Variants in DYNC1I2 observed in about 807,000 individuals in gnomAD.
DYNC1I2 encodes the protein dynein cytoplasmic 1 intermediate chain 2.
In DYNC1I2, 53 loss-of-function variants were observed where a neutral mutation model predicts 88.6. That is an observed-to-expected ratio of 0.60 (90% confidence interval 0.48 to 0.75). The LOEUF is 0.75. Ranked by LOEUF, DYNC1I2 falls within the 30% of genes least tolerant of loss-of-function variation. The pLI is 0.00. For synonymous variants in DYNC1I2, 198 were observed against 254.6 expected (o/e 0.78, Z 2.12); for missense variants, 458 against 766.6 (o/e 0.60, Z 4.75).
At chr2:171,716,468 G>T (rs1218856920) in intron 7 of DYNC1I2, among the ~76,000 whole-genome samples, 1 of 152,062 alleles carries the variant, frequency 6.6e-6, no homozygotes, top group Admixed American at 6.6e-5. Flanking sequence ...AAATTACCAT[G>T]TTTCTCCATT....
At position 171,744,127 on chromosome 2, in the gene DYNC1I2, C is replaced by G; in HGVS notation, c.1615C>G (p.Leu539Val). Residue 539 changes from leucine (L) to valine (V), a missense_variant, in exon 16 of 18, where the codon CTG becomes GTG. Leu to Val is a conservative substitution (Grantham distance 32). This residue lies in a region of DYNC1I2 where 188 missense variants were observed against 300.4 expected (regional missense o/e 0.63). Transcript: ENST00000397119. The part of the protein sequence containing the change: ...DVMWSPTHPA[L>V]FACVDGMGRL... Reference sequence around the variant, plus strand: ...TATGTGGTCACCTACCCACCCAGCCCTGTTTGCCTGTGTGGATGGCATGGG... The same window carrying G: ...TATGTGGTCACCTACCCACCCAGCCGTGTTTGCCTGTGTGGATGGCATGGG... 1 of 1,613,360 alleles carries G rather than the reference C, an allele frequency of 6.2e-7. No homozygotes were observed.
Position 171,735,472 on chromosome 2 carries a change from A to G in DYNC1I2, c.1536+5619A>G, listed in dbSNP as rs1007188856. Among the ~76,000 whole-genome samples, 8 of 152,374 alleles carry G rather than the reference A, an allele frequency of 5.3e-5. No homozygotes were observed. In the South Asian group the frequency reaches 1.2e-3, roughly 24 times the overall value. ...CATTTCATATTAGGAACGCTCAACC[A>G]TAAGTATAATGCAGGTATTCAAAAA... On this transcript the variant is annotated intron_variant, in intron 15 of 17. Coordinates refer to ENST00000397119, the MANE Select transcript of DYNC1I2 (RefSeq NM_001378.3).
chr2:171,732,680 A>G (rs896865945), intron 15 of DYNC1I2, among the ~76,000 whole-genome samples: 5 of 152,238 alleles, frequency 3.3e-5, no homozygotes, highest in Admixed American at 3.3e-4. Context: ...CTATAAAACC[A>G]AAGCAAGATG....
At chr2:171,733,289 A>G (rs1032598137) in intron 15 of DYNC1I2, among the ~76,000 whole-genome samples, 18 of 152,040 alleles carry the variant, frequency 1.2e-4, no homozygotes, top group African/African-American at 3.9e-4. Context: ...GTGTCTTTAT[A>G]ATAGAGTGAT....
intron 2 of DYNC1I2, among the ~76,000 whole-genome samples, chr2:171,691,984 A>T (rs1685433596): frequency 6.6e-6 from 1 of 152,170 alleles, no homozygotes; most frequent in Non-Finnish European, 1.5e-5. Flanking sequence ...AATTTTTCTG[A>T]TGACTTTTAA....
At chr2:171,712,722 T>C (rs761198037) in intron 5 of DYNC1I2, 45 bp from the exon 6 acceptor site, 19 of 1,429,960 alleles carry the variant, frequency 1.3e-5, no homozygotes, top group African/African-American at 4.2e-5. Flanking sequence ...GACTAACTTA[T>C]GGCCTTTTTT....
intron 7 of DYNC1I2, among the ~76,000 whole-genome samples, chr2:171,722,986 G>A (rs1205287728): frequency 1.3e-5 from 2 of 152,124 alleles, no homozygotes; most frequent in African/African-American, 4.8e-5. Flanking sequence ...TAATTTATAT[G>A]GACAAATAGG....
chr2:171,726,439 T>C (rs1418525858), intron 10 of DYNC1I2, 146 bp downstream of exon 10: 16 of 621,720 alleles, frequency 2.6e-5, no homozygotes, highest in Non-Finnish European at 4.3e-5. Flanking sequence ...GTTAACATAC[T>C]CATCTTATGT....
chr2:171,723,096 C>A (rs907920681), intron 7 of DYNC1I2, among the ~76,000 whole-genome samples: 2 of 152,136 alleles, frequency 1.3e-5, no homozygotes, highest in Non-Finnish European at 2.9e-5. Context: ...TAAACAAGAT[C>A]TTTTCTGTTA....
rs758744474 is a variant in DYNC1I2 at position 171,745,758 on chromosome 2, T to C, written c.1678-44T>C. 1.9e-6 allele frequency: 3 copies of C among 1,576,670 alleles called. No homozygotes were observed. The South Asian group carries it at 3.5e-5, about 18-fold the overall frequency. On this transcript the variant is annotated intron_variant, in intron 16 of 17. Coordinates refer to ENST00000397119, the MANE Select transcript of DYNC1I2 (RefSeq NM_001378.3). ...ACTGTTTTACATGTTTATAGAAATC[T>C]TGATGAAACTTTTAACACTGTCCTT...
chr2:171,706,948 A>G (rs929367595), intron 4 of DYNC1I2: 1 of 442,156 alleles, frequency 2.3e-6, no homozygotes, highest in African/African-American at 2.0e-5. Flanking sequence ...AAAAGTTACA[A>G]GGGGGAGAAG....
chr2:171,733,160 A>G (rs929147946), intron 15 of DYNC1I2, among the ~76,000 whole-genome samples: 2 of 152,218 alleles, frequency 1.3e-5, no homozygotes, highest in Non-Finnish European at 2.9e-5. Context: ...GTGTCCCCAC[A>G]TAGGACATGA....
chr2:171,712,097 C>T (rs528995482), intron 5 of DYNC1I2, among the ~76,000 whole-genome samples: 2 of 152,232 alleles, frequency 1.3e-5, no homozygotes, highest in South Asian at 4.1e-4. Context: ...AATATTTTTC[C>T]AGGGAAAAAT....
intron 15 of DYNC1I2, among the ~76,000 whole-genome samples, chr2:171,742,011 A>G (rs1449608599): frequency 6.6e-6 from 1 of 151,046 alleles, no homozygotes; most frequent in Admixed American, 6.6e-5. Context: ...GAACCCAGTG[A>G]GCTGAGATCA....
chr2:171,728,400 C>T lies in DYNC1I2; in HGVS notation c.1239C>T (p.Asp413=), dbSNP rs374969697. 57 of 1,591,632 alleles carry T rather than the reference C, an allele frequency of 3.6e-5. No individual in the cohort carries two copies. The highest frequency in any genetic ancestry group is 4.7e-5 in the Non-Finnish European group (55 of 1,169,354). The change falls in exon 13 of 18, where the codon GAC becomes GAT. Residue 413 remains aspartate (D), a synonymous_variant. Transcript: ENST00000397119. ...GAAAAATTTGTTCATGGAGTCTGGA[C>T]ATGCTTTCCCATCCACAGGTGGGTT... ...TDGKICSWSL[D]MLSHPQDSME...
At position 171,733,459 on chromosome 2, in the gene DYNC1I2, CTTTTTTTTTTTTTTTT is replaced by C. The variant is rs61079902; in HGVS notation, c.1536+3621_1536+3636del. On this transcript the variant is annotated intron_variant, in intron 15 of 17. Coordinates refer to ENST00000397119, the MANE Select transcript of DYNC1I2 (RefSeq NM_001378.3). ...TTTTTCTCCACAACCTTGCCAGCAT[CTTTTTTTTTTTTTTTT>C]TTTTTTTTTTTTTTGCTTTTTAATA... Among the ~76,000 whole-genome samples, 7 of 55,772 alleles carry C rather than the reference CTTTTTTTTTTTTTTTT, an allele frequency of 1.3e-4. 1 individual carries two copies. The highest frequency in any genetic ancestry group is 2.8e-4 in the African/African-American group (4 of 14,156). 36.6% of individuals were successfully genotyped at this position (55,772 alleles called of 152,430 possible).
chr2:171,713,417 TTTTA>T (rs1687264389), intron 6 of DYNC1I2, among the ~76,000 whole-genome samples: 1 of 151,690 alleles, frequency 6.6e-6, no homozygotes, highest in South Asian at 2.1e-4. Flanking sequence ...TCTTTCTTCC[TTTTA>T]TTTTTGTTTT....
intron 5 of DYNC1I2, 58 bp downstream of exon 5, chr2:171,707,435 T>C: frequency 6.9e-7 from 1 of 1,452,994 alleles, no homozygotes; most frequent in East Asian, 2.4e-5. Flanking sequence ...GCCCAAATAC[T>C]GTTGATACTT....
chr2:171,695,341 C>T (rs1254306246), intron 3 of DYNC1I2, among the ~76,000 whole-genome samples: 2 of 152,084 alleles, frequency 1.3e-5, no homozygotes, highest in African/African-American at 2.4e-5. Context: ...CCTCATGATC[C>T]GCCTTCTTCG....
Sources: gnomAD v4.1 joint callset for allele counts (sites outside exome capture counted in the v4.1 genomes callset) on GRCh38, gnomAD v4.1.1 for gene constraint, gnomAD v4.1.1 regional missense constraint, MANE v1.5 for transcripts, NCBI Gene and HGNC (gene_info 2026-07-23, HGNC 2026-07-21) for gene names.